Variants in ABHD12 observed in about 807,000 individuals in gnomAD.
ABHD12 encodes the protein abhydrolase domain containing 12, lysophospholipase, also known as lysophosphatidylserine lipase ABHD12.
ABHD12 carries 43 observed loss-of-function variants against 58.3 expected under a neutral mutation model. That is an observed-to-expected ratio of 0.74 (90% CI 0.58 to 0.95). The LOEUF is 0.95. ABHD12 is among the 40% of genes least tolerant of loss of function. ABHD12 has a pLI of 0.00. For missense variants in ABHD12, 539 were observed against 537.2 expected (o/e 1.00, Z -0.03); for synonymous variants, 219 against 211.2 (o/e 1.04, Z -0.32).
At chr20:25,296,247 T>C, downstream of ABHD12, 1 of 1,222,040 alleles carries the variant, frequency 8.2e-7, no homozygotes, top group Non-Finnish European at 1.2e-6. Context: ...GTCCTCCTCT[T>C]CCAGCGGATG....
intron 1 of ABHD12, among the ~76,000 whole-genome samples, chr20:25,360,075 TTC>T (rs2089724297): frequency 6.6e-6 from 1 of 152,032 alleles, no homozygotes; most frequent in African/African-American, 2.4e-5. Context: ...TGGGTAAATA[TTC>T]TTTTTATTTT....
At chr20:25,340,746 G>T (rs750068292) in intron 1 of ABHD12, among the ~76,000 whole-genome samples, 16 of 152,218 alleles carry the variant, frequency 1.1e-4, no homozygotes, top group Admixed American at 9.2e-4. Flanking sequence ...ATCCACAAAA[G>T]ACTGTATACT....
chr20:25,380,916 T>C (rs2090014716), intron 1 of ABHD12, among the ~76,000 whole-genome samples: 1 of 152,210 alleles, frequency 6.6e-6, no homozygotes, highest in South Asian at 2.1e-4. Context: ...CCCAAAGCAC[T>C]TGCTCTTTCC....
chr20:25,324,653 C>G (rs554212794), intron 2 of ABHD12, among the ~76,000 whole-genome samples: 52 of 152,174 alleles, frequency 3.4e-4, no homozygotes, highest in Non-Finnish European at 6.3e-4. Context: ...CACATCTAGC[C>G]TCACTTCCTC....
At chr20:25,376,932 AG>A (rs545927978) in intron 1 of ABHD12, among the ~76,000 whole-genome samples, 175 of 152,334 alleles carry the variant, frequency 1.1e-3, no homozygotes, top group South Asian at 4.6e-3. Flanking sequence ...CTTTGGAATC[AG>A]AAAAAAAAAT....
At chr20:25,348,027 T>C (rs2089543739) in intron 1 of ABHD12, among the ~76,000 whole-genome samples, 1 of 151,616 alleles carries the variant, frequency 6.6e-6, no homozygotes, top group Non-Finnish European at 1.5e-5. Flanking sequence ...CTGGCCAACG[T>C]GGTGAAAACC....
intron 1 of ABHD12, among the ~76,000 whole-genome samples, chr20:25,382,246 A>C (rs564161029): frequency 8.5e-5 from 13 of 152,252 alleles, no homozygotes; most frequent in Non-Finnish European, 1.8e-4. Flanking sequence ...CTAAATGAGA[A>C]GTCTTGCTGG....
chr20:25,300,054 C>A, downstream of ABHD12: 1 of 357,560 alleles, frequency 2.8e-6, no homozygotes, highest in Non-Finnish European at 3.9e-6. Context: ...AACAAAACTT[C>A]CTACTCCTGG....
intron 4 of ABHD12, 35 bp downstream of exon 4, chr20:25,320,164 C>G (rs1188690527): frequency 6.2e-7 from 1 of 1,612,450 alleles, no homozygotes; most frequent in Admixed American, 1.7e-5. Flanking sequence ...AGGAGCCATG[C>G]TCCACAGCAA....
Position 25,320,271 on chromosome 20 carries a change from T to G in ABHD12, c.470A>C (p.Gln157Pro), listed in dbSNP as rs1425002399. ...VWWKNAQGKD[Q>P]MWYEDALASS... ...AGCCAAGGCATCCTCATACCACATC[T>G]GGTCTTTGCCTTGGGCGTTCTTCCA... Residue 157 changes from glutamine (Q) to proline (P), a missense_variant, in exon 4 of 13, where the codon CAG (glutamine) becomes CCG (proline). Gln to Pro is a moderately conservative substitution (Grantham distance 76, BLOSUM62 -1). Coordinates refer to ENST00000339157, the MANE Select transcript of ABHD12 (RefSeq NM_001042472.3). The G allele has an allele frequency of 2.5e-6, 4 of 1,614,150 alleles. No individual in the cohort carries two copies. The Admixed American group carries it at 6.7e-5, about 27-fold the overall frequency.
At chr20:25,370,153 C>T (rs1210035622) in intron 1 of ABHD12, among the ~76,000 whole-genome samples, 1 of 152,170 alleles carries the variant, frequency 6.6e-6, no homozygotes, top group East Asian at 1.9e-4. Context: ...CCTTGGGGCG[C>T]TGACTGTGGG....
chr20:25,368,516 T>C, intron 1 of ABHD12: 1 of 1,501,940 alleles, frequency 6.7e-7, no homozygotes, highest in Non-Finnish European at 9.3e-7. Flanking sequence ...GAAGTTTTCA[T>C]CACCAAATTT....
At chr20:25,315,071 T>C (rs1256115793) in intron 5 of ABHD12, 101 bp from the exon 6 acceptor site, 2 of 1,218,092 alleles carry the variant, frequency 1.6e-6, no homozygotes, top group Non-Finnish European at 2.4e-6. Flanking sequence ...CTCCTCTGCC[T>C]TGTACGTAGT....
At chr20:25,301,663 G>T (rs1017938034) in intron 12 of ABHD12, among the ~76,000 whole-genome samples, 1 of 152,240 alleles carries the variant, frequency 6.6e-6, no homozygotes, top group East Asian at 1.9e-4. Flanking sequence ...GTACAGAGGA[G>T]GCCGGGGGTT....
At chr20:25,294,905 A>T (rs1242583344) in exon 13 of ABHD12, 1 of 1,556,578 alleles carries the variant, frequency 6.4e-7, no homozygotes, top group Non-Finnish European at 8.7e-7. Context: ...CTCCACTTTC[A>T]GCTGCCTTTG....
chr20:25,390,474 C>CCG, intron 1 of ABHD12, 39 bp downstream of exon 1: 2 of 1,079,070 alleles, frequency 1.9e-6, no homozygotes, highest in East Asian at 8.5e-5. Flanking sequence ...AAGTGAGGGA[C>CCG]CGGCCCCCCC....
chr20:25,306,965 G>A (rs577373354), intron 9 of ABHD12, 50 bp from the exon 10 acceptor site: 2 of 1,366,262 alleles, frequency 1.5e-6, no homozygotes, highest in Admixed American at 3.4e-5. Flanking sequence ...AAGATATCCA[G>A]GCACAGGTCA....
At chr20:25,304,040 C>T (rs1397420348) in intron 10 of ABHD12, among the ~76,000 whole-genome samples, 1 of 152,254 alleles carries the variant, frequency 6.6e-6, no homozygotes, top group Admixed American at 6.5e-5. Context: ...ACTCTAAACA[C>T]TTAGAAGTGA....
Position 25,368,328 on chromosome 20 carries a change from T to C in ABHD12, c.191+22185A>G, listed in dbSNP as rs2089851911. ...ATCTTCTTGCTGGTCTTGCCATTCC[T>C]GGAACCACAGCGCTCCATGGCCTCC... On this transcript the variant is annotated intron_variant, in intron 1 of 12. Transcript: ENST00000339157. The C allele has an allele frequency of 3.2e-6, 5 of 1,549,722 alleles. No homozygotes were observed. The African/African-American group carries it at 4.1e-5, about 13-fold the overall frequency.
Sources: allele counts gnomAD v4.1 joint callset (sites outside exome capture counted in the v4.1 genomes callset), GRCh38; gene constraint gnomAD v4.1.1; transcripts MANE v1.5; gene names NCBI Gene and HGNC (gene_info 2026-07-23, HGNC 2026-07-21).